Variants in P2RX5 observed in about 807,000 individuals in gnomAD.
P2RX5 encodes P2X purinoceptor 5.
P2RX5 carries 46 observed loss-of-function variants against 54.1 expected under a neutral mutation model. The ratio of observed to expected loss-of-function variants is 0.85; its 90% CI spans 0.67 to 1.09. The LOEUF is 1.09. Ranked by LOEUF, P2RX5 falls within the 50% of genes least tolerant of loss-of-function variation. The probability of loss-of-function intolerance (pLI) is 0.00; values close to 1 mark genes in which losing one functional copy is unlikely to be tolerated. For missense variants in P2RX5, 566 were observed against 549.8 expected (o/e 1.03, Z -0.29); for synonymous variants, 226 against 226.4 (o/e 1.00, Z 0.02).
the P2RX5 span, among the ~76,000 whole-genome samples, chr17:3,701,706 A>AATAAAT: frequency 5.0e-5 from 7 of 139,602 alleles, no homozygotes; most frequent in South Asian, 2.3e-4. Context: ...GAAAAAAAAA[A>AATAAAT]AAAAAAAAAA....
chr17:3,682,921 G>A (rs2050325443), intron 9 of P2RX5: 1 of 152,194 alleles, frequency 6.6e-6, no homozygotes, highest in Admixed American at 6.5e-5. Context: ...AGCTACTCAG[G>A]ACGCTGAGGC....
chr17:3,683,145 C>G (rs939097035), intron 9 of P2RX5, among the ~76,000 whole-genome samples: 1 of 152,158 alleles, frequency 6.6e-6, no homozygotes, highest in Non-Finnish European at 1.5e-5. Flanking sequence ...GCAATTGCCC[C>G]TCTCCTCCAG....
At chr17:3,715,905 C>G in the P2RX5 span, among the ~76,000 whole-genome samples, 1 of 151,788 alleles carries the variant, frequency 6.6e-6, no homozygotes. Flanking sequence ...GACTGTAATC[C>G]CAGAACTTTG....
At chr17:3,685,090 C>CT (rs2050402720) in intron 9 of P2RX5, among the ~76,000 whole-genome samples, 1 of 152,108 alleles carries the variant, frequency 6.6e-6, no homozygotes, top group Non-Finnish European at 1.5e-5. Context: ...AGGTGATCCG[C>CT]CACCTCACCC....
chr17:3,719,882 C>T, the P2RX5 span, among the ~76,000 whole-genome samples: 2 of 152,252 alleles, frequency 1.3e-5, no homozygotes, highest in Admixed American at 1.3e-4. Context: ...CACCCACCAT[C>T]ATGTCCGGCT....
the P2RX5 span, chr17:3,716,855 C>T: frequency 1.0e-6 from 1 of 970,264 alleles, no homozygotes. Context: ...AGGAAAAAAT[C>T]CTACATGTTA....
Position 3,694,666 on chromosome 17 carries a change from G to C in P2RX5, c.137+1203C>G, listed in dbSNP as rs144935973. ...CCCTCGTCTCAGATTTCCACATCCA[G>C]GACTGCGAGAATTAAATTTCTATTG... On this transcript the variant is annotated intron_variant, in intron 1 of 11. Coordinates refer to ENST00000225328, the MANE Select transcript of P2RX5 (RefSeq NM_002561.4). Among the ~76,000 whole-genome samples the C allele has an allele frequency of 2.0e-4, 30 of 152,288 alleles. No individual in the cohort carries two copies. In the East Asian group the frequency reaches 5.8e-3, roughly 29 times the overall value.
At chr17:3,692,578 G>A (rs1302422923) in intron 1 of P2RX5, among the ~76,000 whole-genome samples, 2 of 152,030 alleles carry the variant, frequency 1.3e-5, no homozygotes, top group South Asian at 2.1e-4. Context: ...ACGGTGGCTC[G>A]CGCCTGTACT....
chr17:3,675,603 G>A (rs1326635998), intron 11 of P2RX5: 1 of 967,586 alleles, frequency 1.0e-6, no homozygotes, highest in African/African-American at 1.8e-5. Flanking sequence ...CCAGGCCAGA[G>A]TGCAGTGGTA....
chr17:3,713,873 A>T, the P2RX5 span, among the ~76,000 whole-genome samples: 1 of 152,228 alleles, frequency 6.6e-6, no homozygotes, highest in Non-Finnish European at 1.5e-5. Flanking sequence ...TAAAACCCCA[A>T]AGAGTTTCTT....
At chr17:3,711,370 CTTTTTTTTTTTTTTTTTT>C in the P2RX5 span, among the ~76,000 whole-genome samples, 1 of 63,110 alleles carries the variant, frequency 1.6e-5, no homozygotes, top group Non-Finnish European at 2.6e-5. Context: ...AGCACTCATT[CTTTTTTTTTTTTTTTTTT>C]TTTTTTTTTT....
At chr17:3,701,797 C>T in the P2RX5 span, among the ~76,000 whole-genome samples, 5 of 144,808 alleles carry the variant, frequency 3.5e-5, no homozygotes, top group Non-Finnish European at 6.0e-5. Context: ...GCTCTGTCTC[C>T]GAGGCTGGAG....
At chr17:3,710,785 G>T in the P2RX5 span, among the ~76,000 whole-genome samples, 203 of 150,188 alleles carry the variant, frequency 1.4e-3, no homozygotes, top group African/African-American at 4.8e-3. Flanking sequence ...AAAGTTAGTT[G>T]GGCGTGGCGG....
the P2RX5 span, among the ~76,000 whole-genome samples, chr17:3,701,706 A>AAAAAT: frequency 3.6e-5 from 5 of 139,508 alleles, no homozygotes; most frequent in Admixed American, 3.0e-4. Context: ...GAAAAAAAAA[A>AAAAAT]AAAAAAAAAA....
chr17:3,680,326 T>A (rs191127), intron 10 of P2RX5, among the ~76,000 whole-genome samples: 2 of 125,944 alleles, frequency 1.6e-5, no homozygotes, highest in Non-Finnish European at 1.7e-5. Flanking sequence ...TCCTCCACCC[T>A]GCATCCTCCA....
At chr17:3,712,204 G>A in the P2RX5 span, among the ~76,000 whole-genome samples, 3 of 152,220 alleles carry the variant, frequency 2.0e-5, no homozygotes, top group Non-Finnish European at 4.4e-5. Context: ...TTACAAGGAA[G>A]GGGAAAAGCC....
At chr17:3,681,714 C>T (rs2050287425) in intron 10 of P2RX5, among the ~76,000 whole-genome samples, 182 bp downstream of exon 10, 1 of 152,218 alleles carries the variant, frequency 6.6e-6, no homozygotes, top group South Asian at 2.1e-4. Flanking sequence ...CCCTCTCCTC[C>T]CACTGCTGCC....
At chr17:3,677,748 A>T in intron 11 of P2RX5, 1 of 985,244 alleles carries the variant, frequency 1.0e-6, no homozygotes, top group South Asian at 4.7e-5. Context: ...GCGTCAATAC[A>T]TGTTTACAGC....
At chr17:3,709,258 C>A in the P2RX5 span, among the ~76,000 whole-genome samples, 1 of 152,154 alleles carries the variant, frequency 6.6e-6, no homozygotes, top group Non-Finnish European at 1.5e-5. Flanking sequence ...CACGTTAAAC[C>A]AGGTCATCTC....
Sources: gnomAD v4.1 joint callset for allele counts (sites outside exome capture counted in the v4.1 genomes callset) on GRCh38, gnomAD v4.1.1 for gene constraint, MANE v1.5 for transcripts, NCBI Gene and HGNC (gene_info 2026-07-23, HGNC 2026-07-21) for gene names.